Variants in GNG7 observed in about 807,000 individuals in gnomAD.
GNG7 encodes the protein G protein subunit gamma 7.
A neutral mutation model predicts 4.0 loss-of-function variants in GNG7; 1 was observed. That is an observed-to-expected ratio of 0.25 (90% CI 0.09 to 1.18). The LOEUF (loss-of-function observed/expected upper bound fraction) is 1.18. Ranked by LOEUF, GNG7 falls within the 50% of genes most tolerant of loss-of-function variation. The pLI is 0.50. For missense variants in GNG7, 86 were observed against 91.9 expected, an observed-to-expected ratio of 0.94 and a Z score of 0.26; for synonymous variants, 34 against 36.9, an observed-to-expected ratio of 0.92 and a Z score of 0.29.
Position 2,562,599 on chromosome 19 carries a change from CT to C in GNG7, c.-77-7412del, listed in dbSNP as rs141075023. Among the ~76,000 whole-genome samples the C allele has an allele frequency of 1.8e-3, 271 of 152,316 alleles. 2 individuals are homozygous for C. Among genetic ancestry groups the C allele is most frequent in the African/African-American group, 6.3e-3 (263 of 41,570 alleles). On this transcript the variant is annotated intron_variant, in intron 2 of 4. Coordinates refer to ENST00000382159, the MANE Select transcript of GNG7 (RefSeq NM_052847.3). ...CTCTGGGGTGGGGCCATCCTGGGCA[CT>C]GCAGGGTGCTGAGCAGTGTCCCTGA...
At chr19:2,535,360 T>C (rs1295304471) in intron 3 of GNG7, among the ~76,000 whole-genome samples, 1 of 148,330 alleles carries the variant, frequency 6.7e-6, no homozygotes, top group Admixed American at 6.7e-5. Context: ...ACTAGTTGGG[T>C]GTGGTGGTGC....
intron 3 of GNG7, among the ~76,000 whole-genome samples, chr19:2,554,869 G>T (rs776753231): frequency 6.6e-6 from 1 of 152,070 alleles, no homozygotes; most frequent in Non-Finnish European, 1.5e-5. Context: ...TTATATTTTT[G>T]TATCTATATG....
At chr19:2,637,256 T>C (rs932607163) in intron 2 of GNG7, among the ~76,000 whole-genome samples, 5 of 151,980 alleles carry the variant, frequency 3.3e-5, no homozygotes, top group African/African-American at 1.2e-4. Flanking sequence ...TTGTCGTTGT[T>C]GTTTTGCCCT....
In GNG7 at chr19:2,513,522, G is replaced by A. The variant is rs915660476; in HGVS notation, c.*1500C>T. The A allele has an allele frequency of 7.2e-5, 71 of 985,424 alleles. No individual in the cohort carries two copies. Among genetic ancestry groups the A allele is most frequent in the Non-Finnish European group, 8.1e-5 (67 of 830,060 alleles). The allele number at this position is 985,424 out of a possible 1,614,324, so 61.0% of individuals were successfully genotyped here. A position where few individuals can be genotyped will look rare whatever the true frequency, so the allele number is the denominator to read the frequency against. On this transcript the variant is annotated 3_prime_UTR_variant, in exon 5 of 5. Transcript: ENST00000382159. ...AGTCATCTTTCAGAAGCCTCCCCCCGACCCCATGACATCTTCGATTTCCAC... is the reference window on the plus strand; with the variant it reads ...AGTCATCTTTCAGAAGCCTCCCCCCAACCCCATGACATCTTCGATTTCCAC...
intron 2 of GNG7, among the ~76,000 whole-genome samples, chr19:2,571,426 G>A (rs561243082): frequency 5.9e-5 from 9 of 152,144 alleles, no homozygotes; most frequent in African/African-American, 1.7e-4. Context: ...AACTGTGAAT[G>A]CTTCCAAACT....
At chr19:2,544,714 G>A (rs939057331) in intron 3 of GNG7, among the ~76,000 whole-genome samples, 1 of 152,068 alleles carries the variant, frequency 6.6e-6, no homozygotes, top group Non-Finnish European at 1.5e-5. Context: ...AATTGGGGGG[G>A]TGGGTGATTC....
intron 3 of GNG7, among the ~76,000 whole-genome samples, chr19:2,525,971 A>ATTTTTTTGTTTTTTTTTTTTTTTT (rs1978380775): frequency 1.3e-5 from 1 of 75,684 alleles, no homozygotes; most frequent in Non-Finnish European, 2.3e-5. Flanking sequence ...CTCCACGCCA[A>ATTTTTTTGTTTTTTTTTTTTTTTT]TTTTTTTTTT....
At chr19:2,661,486 C>T (rs886098529) in intron 1 of GNG7, among the ~76,000 whole-genome samples, 8 of 151,364 alleles carry the variant, frequency 5.3e-5, no homozygotes, top group African/African-American at 1.9e-4. Context: ...CAGTGAAACC[C>T]TATCTCTACT....
At chr19:2,686,745 TTTTC>T (rs983916427) in intron 1 of GNG7, among the ~76,000 whole-genome samples, 55 of 150,912 alleles carry the variant, frequency 3.6e-4, no homozygotes, top group African/African-American at 1.1e-3. Context: ...TACTTACTTT[TTTTC>T]TTTCTTTTTT....
chr19:2,544,730 C>T (rs1056233894), intron 3 of GNG7, among the ~76,000 whole-genome samples: 4 of 152,092 alleles, frequency 2.6e-5, no homozygotes, highest in Admixed American at 6.6e-5. Context: ...GATTCAGCCC[C>T]GCCAGGAAAC....
At chr19:2,667,693 T>A (rs894293021) in intron 1 of GNG7, among the ~76,000 whole-genome samples, 2 of 152,106 alleles carry the variant, frequency 1.3e-5, no homozygotes, top group Non-Finnish European at 2.9e-5. Flanking sequence ...GGCAGGCAGA[T>A]CAGCTGAGGT....
At chr19:2,594,695 T>C (rs2144805226) in intron 2 of GNG7, among the ~76,000 whole-genome samples, 1 of 152,310 alleles carries the variant, frequency 6.6e-6, no homozygotes, top group Non-Finnish European at 1.5e-5. Flanking sequence ...TGAAGCTTTC[T>C]GATTTCCCAA....
intron 2 of GNG7, among the ~76,000 whole-genome samples, chr19:2,613,025 C>T (rs1981618866): frequency 6.6e-6 from 1 of 151,988 alleles, no homozygotes; most frequent in Admixed American, 6.6e-5. Context: ...AGGAGGTAGC[C>T]TAGGAGGGCA....
At chr19:2,573,709 C>A (rs947181481) in intron 2 of GNG7, among the ~76,000 whole-genome samples, 2 of 151,904 alleles carry the variant, frequency 1.3e-5, no homozygotes, top group Admixed American at 1.3e-4. Flanking sequence ...CAGGCGTGGT[C>A]GTGGGCGCCT....
chr19:2,520,417 G>C (rs1978301774), intron 4 of GNG7, among the ~76,000 whole-genome samples, 191 bp downstream of exon 4: 1 of 152,194 alleles, frequency 6.6e-6, no homozygotes, highest in Admixed American at 6.5e-5. Flanking sequence ...GCAGGAGATA[G>C]GTGTTAGATC....
Position 2,633,487 on chromosome 19 carries a change from G to GCGCGCACACACA in GNG7, c.-78+12736_-78+12737insTGTGTGTGCGCG, listed in dbSNP as rs1250581952. Among the ~76,000 whole-genome samples, 23 of 103,808 alleles carry GCGCGCACACACA rather than the reference G, an allele frequency of 2.2e-4. No individual in the cohort carries two copies. The highest frequency in any genetic ancestry group is 6.7e-4 in the African/African-American group (17 of 25,530). The allele number at this position is 103,808 out of a possible 152,430, so 68.1% of individuals were successfully genotyped here. A position where few individuals can be genotyped will look rare whatever the true frequency, so the allele number is the denominator to read the frequency against. On this transcript the variant is annotated intron_variant, in intron 2 of 4. Coordinates refer to ENST00000382159, the MANE Select transcript of GNG7 (RefSeq NM_052847.3). This position sits in a 1 kb window ranked among gnomAD's most constrained non-coding sequence, Gnocchi z 5.9. ...TAGCAACAGGCGCGCGCGCGCGCGC[G>GCGCGCACACACA]CACACACACACACACACACACACAC...
chr19:2,659,193 T>C (rs1052314286), intron 1 of GNG7, among the ~76,000 whole-genome samples: 1 of 151,518 alleles, frequency 6.6e-6, no homozygotes, highest in Non-Finnish European at 1.5e-5. Flanking sequence ...ATGGTCTCAA[T>C]CTCCTGACCT....
chr19:2,660,934 G>A (rs1016305230), intron 1 of GNG7, among the ~76,000 whole-genome samples: 11 of 152,190 alleles, frequency 7.2e-5, no homozygotes, highest in South Asian at 2.1e-4. Flanking sequence ...CCTCCAGGCC[G>A]GGCACGTTGG....
intron 2 of GNG7, among the ~76,000 whole-genome samples, chr19:2,576,322 C>T (rs1332598340): frequency 1.3e-5 from 2 of 152,184 alleles, no homozygotes; most frequent in Non-Finnish European, 2.9e-5. Flanking sequence ...ACCCTTCGAC[C>T]CAGGCCTGCA....
Sources: allele counts gnomAD v4.1 joint callset (sites outside exome capture counted in the v4.1 genomes callset), GRCh38; gene constraint gnomAD v4.1.1; non-coding constraint Gnocchi (gnomAD v3.1); transcripts MANE v1.5; gene names NCBI Gene and HGNC (gene_info 2026-07-23, HGNC 2026-07-21).